Variants in ATL2 observed in about 807,000 individuals in gnomAD.
The protein encoded by ATL2 is atlastin GTPase 2, also known as atlastin-2.
In ATL2, 31 loss-of-function variants were observed where a neutral mutation model predicts 73.9. The observed-to-expected ratio is 0.42, with a 90% CI of 0.32 to 0.57. ATL2 has a LOEUF of 0.57. Among genes scored for constraint, ATL2 ranks in the 20% least tolerant of loss-of-function variants. ATL2 has a pLI of 0.14. For missense variants in ATL2, 738 were observed against 702.6 expected (o/e 1.05, Z -0.57); for synonymous variants, 291 against 237.5 (o/e 1.23, Z -2.07).
At chr2:38,373,083 C>CGTGCATCGTGTCG (rs987270837) in intron 1 of ATL2, among the ~76,000 whole-genome samples, 7 of 141,018 alleles carry the variant, frequency 5.0e-5, no homozygotes, top group African/African-American at 1.9e-4. Flanking sequence ...ACCCTATCAT[C>CGTGCATCGTGTCG]TGTTTCCCAC....
intron 9 of ATL2, among the ~76,000 whole-genome samples, chr2:38,302,284 A>T (rs1667229699): frequency 6.6e-6 from 1 of 151,658 alleles, no homozygotes; most frequent in Non-Finnish European, 1.5e-5. Context: ...CTATGAGGAG[A>T]GTCTCCTGCT....
At chr2:38,364,118 C>T (rs1361769208) in intron 1 of ATL2, among the ~76,000 whole-genome samples, 1 of 152,016 alleles carries the variant, frequency 6.6e-6, no homozygotes, top group Non-Finnish European at 1.5e-5. Flanking sequence ...AAAAATTACC[C>T]GGGCGTGGTG....
chr2:38,341,474 CA>C (rs1012331316), intron 2 of ATL2, among the ~76,000 whole-genome samples: 4 of 151,970 alleles, frequency 2.6e-5, no homozygotes, highest in African/African-American at 9.7e-5. Flanking sequence ...CCCATCTTTA[CA>C]AAAAATTTAA....
At chr2:38,371,248 C>A (rs543587361) in intron 1 of ATL2, among the ~76,000 whole-genome samples, 2 of 151,648 alleles carry the variant, frequency 1.3e-5, no homozygotes, top group South Asian at 4.2e-4. Flanking sequence ...TGGCTGATGC[C>A]TGTAATCCCA....
chr2:38,343,183 TAGTTCTGGTTTTTGTCTA>T, intron 2 of ATL2, 67 bp downstream of exon 2: 1 of 712,618 alleles, frequency 1.4e-6, no homozygotes, highest in Non-Finnish European at 2.1e-6. Context: ...AAAAAAGATA[TAGTTCTGGTTTTTGTCTA>T]TTTTTTTAAC....
At chr2:38,318,253 G>A (rs540106199) in intron 4 of ATL2, 63 of 241,916 alleles carry the variant, frequency 2.6e-4, no homozygotes, top group Non-Finnish European at 3.7e-4. Flanking sequence ...CGAGGTGGGC[G>A]GGTCACCTGA....
chr2:38,302,061 C>A (rs1407953110), intron 9 of ATL2, among the ~76,000 whole-genome samples: 1 of 152,138 alleles, frequency 6.6e-6, no homozygotes, highest in Admixed American at 6.5e-5. Context: ...AGTTCCCAGA[C>A]AAGATTTCTA....
chr2:38,360,887 A>T (rs1223160765), intron 1 of ATL2, among the ~76,000 whole-genome samples: 1 of 152,142 alleles, frequency 6.6e-6, no homozygotes, highest in Non-Finnish European at 1.5e-5. Flanking sequence ...TACAAGAAGA[A>T]CGAAACATGG....
At chr2:38,354,123 T>C (rs191735133) in intron 1 of ATL2, 122 of 410,474 alleles carry the variant, frequency 3.0e-4, no homozygotes, top group East Asian at 2.8e-3. Flanking sequence ...ACCCGGGAGG[T>C]TGCAGTAAGC....
At chr2:38,343,640 G>T in intron 1 of ATL2, 128 bp from the exon 2 acceptor site, 1 of 821,538 alleles carries the variant, frequency 1.2e-6, no homozygotes, top group Non-Finnish European at 1.9e-6. Context: ...TCATTATAAT[G>T]TTCCTTTGGA....
intron 2 of ATL2, among the ~76,000 whole-genome samples, chr2:38,323,756 A>C (rs1668454173): frequency 4.6e-5 from 7 of 152,156 alleles, no homozygotes. Flanking sequence ...TCTATCACCC[A>C]AGCTGGAGAG....
chr2:38,324,239 T>C (rs974575439), intron 2 of ATL2, among the ~76,000 whole-genome samples: 7 of 152,126 alleles, frequency 4.6e-5, no homozygotes, highest in Admixed American at 6.5e-5. Flanking sequence ...GATCGCGCCA[T>C]TGCACTCCAG....
intron 1 of ATL2, among the ~76,000 whole-genome samples, chr2:38,351,762 G>A (rs1199557918): frequency 6.6e-6 from 1 of 151,586 alleles, no homozygotes; most frequent in Non-Finnish European, 1.5e-5. Context: ...CAAAGTGCTG[G>A]GATTACAGGC....
At chr2:38,334,027 T>G (rs1305106543) in intron 2 of ATL2, among the ~76,000 whole-genome samples, 2 of 123,066 alleles carry the variant, frequency 1.6e-5, no homozygotes, top group East Asian at 4.1e-4. Flanking sequence ...TATCCAATCC[T>G]CTTTTTTTTT....
intron 1 of ATL2, among the ~76,000 whole-genome samples, chr2:38,358,265 T>C (rs868458636): frequency 8.5e-5 from 13 of 152,336 alleles, no homozygotes; most frequent in Middle Eastern, 3.4e-3. Context: ...TAAACTGTAA[T>C]GCTCTATTTT....
At chr2:38,376,275 G>A (rs1671959761) in intron 1 of ATL2, 2 of 1,368,930 alleles carry the variant, frequency 1.5e-6, no homozygotes, top group Non-Finnish European at 9.5e-7. Context: ...GAGTGAGAGG[G>A]ATACACTGCG....
chr2:38,345,863 G>A (rs911027166), intron 1 of ATL2, among the ~76,000 whole-genome samples: 6 of 152,136 alleles, frequency 3.9e-5, no homozygotes, highest in African/African-American at 1.4e-4. Flanking sequence ...GAAAATGGGT[G>A]TGTGTCAAAC....
chr2:38,353,777 G>A (rs1367453213), intron 1 of ATL2, among the ~76,000 whole-genome samples: 2 of 152,198 alleles, frequency 1.3e-5, no homozygotes, highest in Non-Finnish European at 2.9e-5. Flanking sequence ...CATCACTGAA[G>A]CACTGGAGGC....
intron 9 of ATL2, among the ~76,000 whole-genome samples, chr2:38,300,880 G>GAA (rs60232727): frequency 0.015 from 1,552 of 103,378 alleles, 31 homozygotes; most frequent in African/African-American, 0.042. Flanking sequence ...GCTCAAGAAG[G>GAA]AAAAAAAAAA....
Sources: allele counts gnomAD v4.1 joint callset (sites outside exome capture counted in the v4.1 genomes callset), GRCh38; gene constraint gnomAD v4.1.1; transcripts MANE v1.5; gene names NCBI Gene and HGNC (gene_info 2026-07-23, HGNC 2026-07-21).